B4GALNT2: variants seen among roughly 807,000 people sequenced by gnomAD.
B4GALNT2 encodes the protein beta-1,4-N-acetyl-galactosaminyltransferase 2 (SID blood group), also known as N-acetylneuraminylgalactosylglucosyl-glucoside beta-1,4-N- acetylgalactosaminyltransferase 2.
Under a neutral mutation model 51.1 loss-of-function variants are expected in B4GALNT2, and 42 were observed. The observed-to-expected ratio is 0.82, with a 90% CI of 0.64 to 1.06. B4GALNT2 has a LOEUF of 1.06. Ranked by LOEUF, B4GALNT2 falls within the 50% of genes least tolerant of loss-of-function variation. B4GALNT2 has a pLI of 0.00. For synonymous variants in B4GALNT2, 253 were observed against 251.7 expected (o/e 1.01, Z -0.05); for missense variants, 602 against 633.6 (o/e 0.95, Z 0.54).
At position 49,172,111 on chromosome 17, in the gene B4GALNT2, C is replaced by A; in HGVS notation, c.*2383C>A. The stretch of plus-strand genomic sequence containing the variant: ...TCATTGTGACTGGTTGTCCCACTTT[C>A]CTCAGGTTTTCTTCCACCATCTGTG... On this transcript the variant is annotated 3_prime_UTR_variant, in exon 11 of 11. Transcript: ENST00000393354. 3.3e-6 allele frequency: 1 copy of A among 306,628 alleles called. No individual in the cohort carries two copies. Among genetic ancestry groups the A allele is most frequent in the Non-Finnish European group, 5.9e-6 (1 of 168,430 alleles). 19.0% of individuals were successfully genotyped at this position (306,628 alleles called of 1,614,324 possible).
Position 49,140,830 on chromosome 17 carries a change from T to C in B4GALNT2, c.15-417T>C, listed in dbSNP as rs1470659880. Among the ~76,000 whole-genome samples the C allele has an allele frequency of 2.6e-5, 4 of 151,020 alleles. No individual in the cohort carries two copies. In the Admixed American group the frequency reaches 2.7e-4, roughly 10 times the overall value. On this transcript the variant is annotated intron_variant, in intron 1 of 10. Transcript: ENST00000393354. ...GCCTCCCGGGTTCAAGCGATTCTCC[T>C]GTCTCAGCCTCCCAAGTAGCTGGCA...
chr17:49,133,256 GGACA>G, intron 1 of B4GALNT2: 1 of 1,454,098 alleles, frequency 6.9e-7, no homozygotes, highest in Admixed American at 3.3e-5. Flanking sequence ...TGCGGGCTGT[GGACA>G]GTCGGGGAGC....
At chr17:49,151,081 A>G (rs1056041009) in intron 3 of B4GALNT2, among the ~76,000 whole-genome samples, 1 of 135,060 alleles carries the variant, frequency 7.4e-6, no homozygotes, top group African/African-American at 2.9e-5. Flanking sequence ...GTTCCTCAAA[A>G]AGCTAATCTT....
chr17:49,153,931 A>C (rs1359685480), intron 4 of B4GALNT2, among the ~76,000 whole-genome samples: 2 of 152,118 alleles, frequency 1.3e-5, no homozygotes, highest in Non-Finnish European at 2.9e-5. Flanking sequence ...GCCTCAAAGA[A>C]TCTTAGGACA....
Position 49,160,551 on chromosome 17 carries a change from C to T in B4GALNT2, c.680-4C>T, listed in dbSNP as rs1339663790. 23 of 1,613,138 alleles carry T rather than the reference C, an allele frequency of 1.4e-5. No individual in the cohort carries two copies. Among genetic ancestry groups the T allele is most frequent in the Non-Finnish European group, 1.0e-5 (12 of 1,179,086 alleles). ...CTGTGCCATTATCTTATTTCTCCCT[C>T]CAGTGAGTCTGGAGTCCAGGTCCTC... On this transcript the variant is annotated splice_region_variant and splice_polypyrimidine_tract_variant and intron_variant, in intron 6 of 10. Transcript: ENST00000393354.
upstream of B4GALNT2, chr17:49,132,595 C>A: frequency 2.1e-6 from 1 of 475,344 alleles, no homozygotes; most frequent in Non-Finnish European, 3.4e-6. Context: ...TCACCGGCAG[C>A]GGAGGAGAAA....
chr17:49,169,818 T>G lies in B4GALNT2; in HGVS notation c.*90T>G. On this transcript the variant is annotated 3_prime_UTR_variant, in exon 11 of 11. Coordinates refer to ENST00000393354, the MANE Select transcript of B4GALNT2 (RefSeq NM_001159387.2). ...AACTGGACTCCTGATAGGTGAACGT[T>G]GTACCAAACCAGCTGGTGGGTAGGG... is the stretch of plus-strand genomic sequence containing the variant. The G allele has an allele frequency of 7.9e-7, 1 of 1,263,486 alleles. No homozygotes were observed. The highest frequency in any genetic ancestry group is 2.8e-4 in the Middle Eastern group (1 of 3,578). The allele number at this position is 1,263,486 out of a possible 1,614,324, so 78.3% of individuals were successfully genotyped here.
rs112206919 is a variant in B4GALNT2, at chr17:49,172,321, T to C, written c.*2593T>C. The stretch of plus-strand genomic sequence containing the variant: ...TTCAGGTGTCTTGATGGCACCCAAA[T>C]TGGCTATTGATTCGGTCCTGGAGAA... On this transcript the variant is annotated 3_prime_UTR_variant, in exon 11 of 11. Transcript: ENST00000393354. 9.7e-4 allele frequency: 162 copies of C among 167,666 alleles called. 1 individual carries two copies. The highest frequency in any genetic ancestry group is 3.7e-3 in the African/African-American group (156 of 41,966). 10.4% of individuals were successfully genotyped at this position (167,666 alleles called of 1,614,324 possible).
chr17:49,139,993 A>G (rs1408721418), intron 1 of B4GALNT2, among the ~76,000 whole-genome samples: 1 of 150,676 alleles, frequency 6.6e-6, no homozygotes, highest in African/African-American at 2.4e-5. Flanking sequence ...TTTATTCTTG[A>G]CTAGAATAGC....
At chr17:49,148,676 A>T (rs940758506) in intron 3 of B4GALNT2, 7 of 562,106 alleles carry the variant, frequency 1.2e-5, no homozygotes, top group Non-Finnish European at 2.3e-5. Flanking sequence ...CCTTCATGAC[A>T]TGAAGGTCGG....
intron 1 of B4GALNT2, among the ~76,000 whole-genome samples, chr17:49,139,121 A>G (rs1370642201): frequency 1.3e-5 from 2 of 152,112 alleles, no homozygotes; most frequent in African/African-American, 2.4e-5. Context: ...ATATGTAATC[A>G]TTTCACCTGT....
At chr17:49,126,411 CTTGT>C in the B4GALNT2 span, among the ~76,000 whole-genome samples, 1 of 150,488 alleles carries the variant, frequency 6.6e-6, no homozygotes, top group Admixed American at 6.7e-5. Flanking sequence ...CCTTTGTTCA[CTTGT>C]TTATCTGCTG....
rs1481122769 is a variant in B4GALNT2 at position 49,172,672 on chromosome 17, G to A, written c.*2944G>A. 1 of 153,300 alleles carries A rather than the reference G, an allele frequency of 6.5e-6. No homozygotes were observed. Among genetic ancestry groups the A allele is most frequent in the East Asian group, 1.9e-4 (1 of 5,198 alleles). The allele number at this position is 153,300 out of a possible 1,614,324, so 9.5% of individuals were successfully genotyped here. A position where few individuals can be genotyped will look rare whatever the true frequency, so the allele number is the denominator to read the frequency against. On this transcript the variant is annotated 3_prime_UTR_variant, in exon 11 of 11. Coordinates refer to ENST00000393354, the MANE Select transcript of B4GALNT2 (RefSeq NM_001159387.2). The stretch of plus-strand genomic sequence containing the variant: ...TAATGTGTTTAATATTCCATATAGA[G>A]AAAAATGTAGCTAGAGCTTGGCTAG...
upstream of B4GALNT2, among the ~76,000 whole-genome samples, chr17:49,128,284 A>G (rs1449262441): frequency 6.6e-6 from 1 of 152,120 alleles, no homozygotes; most frequent in African/African-American, 2.4e-5. Flanking sequence ...ATTTGACTGG[A>G]TGGAGCAGTT....
upstream of B4GALNT2, among the ~76,000 whole-genome samples, chr17:49,129,452 C>T (rs946235011): frequency 2.0e-5 from 3 of 152,340 alleles, no homozygotes; most frequent in Admixed American, 2.0e-4. Flanking sequence ...GGATGAGCAG[C>T]TGCTGTCCAC....
intron 3 of B4GALNT2, among the ~76,000 whole-genome samples, chr17:49,146,394 TCCACCTCC>T (rs1245026898): frequency 6.6e-6 from 1 of 152,156 alleles, no homozygotes; most frequent in Non-Finnish European, 1.5e-5. Context: ...AACTGCAACC[TCCACCTCC>T]CAGGCTCAAG....
At position 49,167,836 on chromosome 17, in the gene B4GALNT2, C is replaced by G. The variant is rs184927009; in HGVS notation, c.1096-845C>G. The stretch of plus-strand genomic sequence containing the variant: ...TATTGGCCAGGCTGCTCTCGAACTC[C>G]TGACCTCAGGTGATCCACCCACCTC... On this transcript the variant is annotated intron_variant, in intron 9 of 10. Transcript: ENST00000393354. 2.1e-3 allele frequency among the ~76,000 whole-genome samples: 314 copies of G among 152,258 alleles called. 3 individuals carry two copies. Among genetic ancestry groups the G allele is most frequent in the Non-Finnish European group, 3.1e-3 (208 of 68,006 alleles).
chr17:49,123,306 C>T, the B4GALNT2 span, among the ~76,000 whole-genome samples: 2 of 152,230 alleles, frequency 1.3e-5, no homozygotes, highest in African/African-American at 4.8e-5. Flanking sequence ...TTATAGGCAG[C>T]ACCTGCTCAA....
At chr17:49,148,936 G>C (rs930692533) in intron 3 of B4GALNT2, 1 of 168,116 alleles carries the variant, frequency 5.9e-6, no homozygotes, top group African/African-American at 2.4e-5. Flanking sequence ...TGTGCCTGTA[G>C]TCCCAGCTAC....
Sources: allele counts gnomAD v4.1 joint callset (sites outside exome capture counted in the v4.1 genomes callset), GRCh38; gene constraint gnomAD v4.1.1; transcripts MANE v1.5; gene names NCBI Gene and HGNC (gene_info 2026-07-23, HGNC 2026-07-21).